The following RAET1E variants were observed in gnomAD, a reference collection of about 807,000 sequenced individuals.
RAET1E encodes the protein NKG2D ligand 4.
RAET1E carries 27 observed loss-of-function variants against 21.1 expected under a neutral mutation model. That is an observed-to-expected ratio of 1.28 (90% CI 0.94 to 1.76). RAET1E has a LOEUF of 1.76. RAET1E is among the 40% of genes most tolerant of loss of function. The probability of loss-of-function intolerance (pLI) is 0.00; values close to 1 mark genes in which losing one functional copy is unlikely to be tolerated. For synonymous variants in RAET1E, 113 were observed against 115.0 expected (o/e 0.98, Z 0.11); for missense variants, 310 against 311.3 (o/e 1.00, Z 0.03).
Position 149,888,257 on chromosome 6 carries a change from C to T in RAET1E, c.*241G>A. The T allele has an allele frequency of 1.4e-6, 1 of 706,046 alleles. No individual in the cohort carries two copies. Among genetic ancestry groups the T allele is most frequent in the Non-Finnish European group, 2.6e-6 (1 of 388,002 alleles). The allele number at this position is 706,046 out of a possible 1,614,324, so 43.7% of individuals were successfully genotyped here. A position where few individuals can be genotyped will look rare whatever the true frequency, so the allele number is the denominator to read the frequency against. On this transcript the variant is annotated 3_prime_UTR_variant, in exon 6 of 6. Coordinates refer to ENST00000357183, the MANE Select transcript of RAET1E (RefSeq NM_001394057.1). ...CTTTCCGTCAAAGAGCTGGATGAAACCTGGGCCGGATGGCAAGGAGACAAC... is the reference window on the plus strand; with the variant it reads ...CTTTCCGTCAAAGAGCTGGATGAAATCTGGGCCGGATGGCAAGGAGACAAC...
intron 4 of RAET1E, 67 bp downstream of exon 4, chr6:149,889,818 C>G: frequency 6.4e-7 from 1 of 1,558,982 alleles, no homozygotes; most frequent in Non-Finnish European, 8.8e-7. Flanking sequence ...AAGCCCCTCC[C>G]CATCTGTGTT....
chr6:149,891,253 A>G (rs1777881154), intron 2 of RAET1E, among the ~76,000 whole-genome samples: 1 of 151,774 alleles, frequency 6.6e-6, no homozygotes, highest in African/African-American at 2.4e-5. Flanking sequence ...CCTTTCCTCC[A>G]GTTTCCTCTT....
At position 149,885,089 on chromosome 6, in the gene RAET1E, A is replaced by G. The variant is rs982816731; in HGVS notation, c.*3409T>C. ...AGGAATTAAACCTAGAGACCCCTCA[A>G]CCTTTGGCATGTGATATACTTTCCC... is the stretch of plus-strand genomic sequence containing the variant. On this transcript the variant is annotated 3_prime_UTR_variant, in exon 6 of 6. Transcript: ENST00000357183. Among the ~76,000 whole-genome samples, 1 of 151,980 alleles carries G rather than the reference A, an allele frequency of 6.6e-6. No homozygotes were observed. The highest frequency in any genetic ancestry group is 1.5e-5 in the Non-Finnish European group (1 of 67,992).
chr6:149,890,964 A>G lies in RAET1E; in HGVS notation c.-63T>C. 1 of 1,201,658 alleles carries G rather than the reference A, an allele frequency of 8.3e-7. No homozygotes were observed. Among genetic ancestry groups the G allele is most frequent in the Non-Finnish European group, 1.2e-6 (1 of 810,586 alleles). 74.4% of individuals were successfully genotyped at this position (1,201,658 alleles called of 1,614,324 possible). A position where few individuals can be genotyped will look rare whatever the true frequency, so the allele number is the denominator to read the frequency against. ...ACATTCACCCTCACTGGTATGGTGA[A>G]GAAATGTTATCCAACAGCGTGGGTG... On this transcript the variant is annotated 5_prime_UTR_variant, in exon 3 of 6. Transcript: ENST00000357183.
At chr6:149,888,972 A>G (rs573753335) in intron 5 of RAET1E, 2 of 851,326 alleles carry the variant, frequency 2.3e-6, no homozygotes, top group African/African-American at 3.4e-5. Flanking sequence ...GTGGTGCTTA[A>G]TTCTGTGTGG....
rs1777557377 is a variant in RAET1E, at chr6:149,885,235, T to C, written c.*3263A>G. ...GGCAACCCCTGGAGAGTGACCCTGG[T>C]TTAAAGCCCGACTTTGCCAAACCGC... On this transcript the variant is annotated 3_prime_UTR_variant, in exon 6 of 6. Coordinates refer to ENST00000357183, the MANE Select transcript of RAET1E (RefSeq NM_001394057.1). Among the ~76,000 whole-genome samples the C allele has an allele frequency of 2.7e-5, 4 of 145,464 alleles. No homozygotes were observed. Among genetic ancestry groups the C allele is most frequent in the Admixed American group, 7.0e-5 (1 of 14,302 alleles).
rs58372149 is a variant in RAET1E, at chr6:149,888,208, C to T, written c.*290G>A. On this transcript the variant is annotated 3_prime_UTR_variant, in exon 6 of 6. Coordinates refer to ENST00000357183, the MANE Select transcript of RAET1E (RefSeq NM_001394057.1). ...GGATGGGACCTGCTGAGCTAAATCA[C>T]GGTAAACGCAGACAGCAAACAAACT... 5,767 of 637,658 alleles carry T rather than the reference C, an allele frequency of 9.0e-3. 244 individuals are homozygous for T. The African/African-American group carries it at 0.094, about 10-fold the overall frequency. 39.5% of individuals were successfully genotyped at this position (637,658 alleles called of 1,614,324 possible).
chr6:149,886,074 C>T lies in RAET1E; in HGVS notation c.*2424G>A, dbSNP rs1477910097. Among the ~76,000 whole-genome samples, 1 of 152,150 alleles carries T rather than the reference C, an allele frequency of 6.6e-6. No homozygotes were observed. The highest frequency in any genetic ancestry group is 2.4e-5 in the African/African-American group (1 of 41,424). On this transcript the variant is annotated 3_prime_UTR_variant, in exon 6 of 6. Transcript: ENST00000357183. ...AAAGAAAATTCCAGGCAGAGATGAG[C>T]ATGAGCAAAAAATTTGGCAGCAATG...
intron 2 of RAET1E, among the ~76,000 whole-genome samples, chr6:149,894,129 A>G (rs144184507): frequency 0.019 from 2,926 of 150,534 alleles, 113 homozygotes; most frequent in African/African-American, 0.068. Context: ...AATGTTCATT[A>G]GGGATATTGG....
At position 149,886,519 on chromosome 6, in the gene RAET1E, C is replaced by T. The variant is rs929627845; in HGVS notation, c.*1979G>A. 3.3e-5 allele frequency among the ~76,000 whole-genome samples: 5 copies of T among 152,172 alleles called. No homozygotes were observed. Among genetic ancestry groups the T allele is most frequent in the Admixed American group, 6.5e-5 (1 of 15,280 alleles). On this transcript the variant is annotated 3_prime_UTR_variant, in exon 6 of 6. Coordinates refer to ENST00000357183, the MANE Select transcript of RAET1E (RefSeq NM_001394057.1). ...AAGCGATTCTCCTGTCTCAGCCTCCCGAGTAGCTGGGATTACAGGCCCATG... is the reference window on the plus strand; with the variant it reads ...AAGCGATTCTCCTGTCTCAGCCTCCTGAGTAGCTGGGATTACAGGCCCATG...
chr6:149,883,396 T>C lies in RAET1E; in HGVS notation c.*5102A>G, dbSNP rs1042838012. On this transcript the variant is annotated 3_prime_UTR_variant, in exon 6 of 6. Transcript: ENST00000357183. ...TTTTTGCATTCAGTGTTAAAGTGTT[T>C]ATCAGAAAGAACTACTTGTGTCTGG... 6.6e-6 allele frequency: 1 copy of C among 151,944 alleles called. No individual in the cohort carries two copies. The highest frequency in any genetic ancestry group is 2.4e-5 in the African/African-American group (1 of 41,358). The allele number at this position is 151,944 out of a possible 1,614,324, so 9.4% of individuals were successfully genotyped here.
chr6:149,893,899 T>G (rs1014563702), intron 2 of RAET1E, among the ~76,000 whole-genome samples: 1 of 152,110 alleles, frequency 6.6e-6, no homozygotes, highest in African/African-American at 2.4e-5. Flanking sequence ...TTATTGAGAG[T>G]TTTTAGCATG....
rs1484439101 is a variant in RAET1E at position 149,884,672 on chromosome 6, G to A, written c.*3826C>T. Among the ~76,000 whole-genome samples, 1 of 152,142 alleles carries A rather than the reference G, an allele frequency of 6.6e-6. No individual in the cohort carries two copies. Among genetic ancestry groups the A allele is most frequent in the Non-Finnish European group, 1.5e-5 (1 of 68,040 alleles). On this transcript the variant is annotated 3_prime_UTR_variant, in exon 6 of 6. Transcript: ENST00000357183. Reference sequence around the variant, plus strand: ...TCTAGTTTATGATTGTTCACTTTCCGTTACTTCATCATTAGTTAGACCCAG... The same window carrying A: ...TCTAGTTTATGATTGTTCACTTTCCATTACTTCATCATTAGTTAGACCCAG...
At chr6:149,891,880 C>A (rs1036385206) in intron 2 of RAET1E, among the ~76,000 whole-genome samples, 2 of 152,110 alleles carry the variant, frequency 1.3e-5, no homozygotes, top group Non-Finnish European at 2.9e-5. Flanking sequence ...CCTCTCCTAG[C>A]CCCCCACCCC....
rs1484593343 is a variant in RAET1E, at chr6:149,883,209, A to C, written c.*5289T>G. 1.3e-5 allele frequency among the ~76,000 whole-genome samples: 2 copies of C among 152,254 alleles called. No individual in the cohort carries two copies. Among genetic ancestry groups the C allele is most frequent in the African/African-American group, 2.4e-5 (1 of 41,468 alleles). On this transcript the variant is annotated 3_prime_UTR_variant, in exon 6 of 6. Coordinates refer to ENST00000357183, the MANE Select transcript of RAET1E (RefSeq NM_001394057.1). ...TTGCAAATAAGTTTATAATTTGTAAAGATCTGATAAAAATTATCAGATGAT... is the reference window on the plus strand; with the variant it reads ...TTGCAAATAAGTTTATAATTTGTAACGATCTGATAAAAATTATCAGATGAT...
chr6:149,897,617 C>T (rs3964083), intron 1 of RAET1E, among the ~76,000 whole-genome samples: 4 of 152,038 alleles, frequency 2.6e-5, no homozygotes, highest in Non-Finnish European at 5.9e-5. Flanking sequence ...TGCCAAGGCC[C>T]GGCAGAGCGA....
In RAET1E at chr6:149,886,944, TG is replaced by T. The variant is rs1777636733; in HGVS notation, c.*1553del. ...TGACAGAGAAATCCATGCGACACAG[TG>T]GGGAGGCCCTCCCCAAAGGGTGGCA... is the stretch of plus-strand genomic sequence containing the variant. On this transcript the variant is annotated 3_prime_UTR_variant, in exon 6 of 6. Coordinates refer to ENST00000357183, the MANE Select transcript of RAET1E (RefSeq NM_001394057.1). 1.3e-5 allele frequency among the ~76,000 whole-genome samples: 2 copies of T among 152,210 alleles called. No individual in the cohort carries two copies. Among genetic ancestry groups the T allele is most frequent in the Non-Finnish European group, 2.9e-5 (2 of 68,044 alleles).
rs6905512 is a variant in RAET1E at position 149,884,374 on chromosome 6, G to T, written c.*4124C>A. The T allele has an allele frequency of 1.6e-3, 1,605 of 976,400 alleles. 14 individuals carry two copies. The African/African-American group carries it at 0.02, about 12-fold the overall frequency. The allele number at this position is 976,400 out of a possible 1,614,324, so 60.5% of individuals were successfully genotyped here. A position where few individuals can be genotyped will look rare whatever the true frequency, so the allele number is the denominator to read the frequency against. The stretch of plus-strand genomic sequence containing the variant: ...ACTGGAATGCAGAGGCGCGATCTCC[G>T]CTCATTGCAGGCTCCGCCTCCACTT... On this transcript the variant is annotated 3_prime_UTR_variant, in exon 6 of 6. Transcript: ENST00000357183.
intron 4 of RAET1E, 122 bp downstream of exon 4, chr6:149,889,763 T>G (rs906637497): frequency 6.8e-7 from 1 of 1,480,016 alleles, no homozygotes; most frequent in East Asian, 2.3e-5. Context: ...TTGGGTCCCA[T>G]GTGCCTCTAT....
Sources: gnomAD v4.1 joint callset for allele counts (sites outside exome capture counted in the v4.1 genomes callset) on GRCh38, gnomAD v4.1.1 for gene constraint, MANE v1.5 for transcripts, NCBI Gene and HGNC (gene_info 2026-07-23, HGNC 2026-07-21) for gene names.